PLBD1: variants seen among roughly 807,000 people sequenced by gnomAD.
The protein encoded by PLBD1 is phospholipase B domain containing 1.
In PLBD1, 60 loss-of-function variants were observed where a neutral mutation model predicts 63.0. The ratio of observed to expected loss-of-function variants is 0.95; its 90% CI spans 0.77 to 1.18. PLBD1 has a LOEUF of 1.18. PLBD1 is among the 50% of genes most tolerant of loss of function. The pLI is 0.00. For missense variants in PLBD1, 598 were observed against 677.9 expected, an observed-to-expected ratio of 0.88 and a Z score of 1.31; for synonymous variants, 262 against 248.0, an observed-to-expected ratio of 1.06 and a Z score of -0.53.
intron 6 of PLBD1, among the ~76,000 whole-genome samples, chr12:14,535,307 G>A (rs1343877967): frequency 6.6e-6 from 1 of 152,188 alleles, no homozygotes; most frequent in Non-Finnish European, 1.5e-5. Context: ...CCTCAAGGTG[G>A]TACCTGAGTG....
chr12:14,525,882 A>G (rs1945412562), intron 6 of PLBD1, among the ~76,000 whole-genome samples: 1 of 152,200 alleles, frequency 6.6e-6, no homozygotes, highest in African/African-American at 2.4e-5. Flanking sequence ...TTAAGTTCCT[A>G]TATATTTTTT....
chr12:14,539,702 C>T, intron 4 of PLBD1, among the ~76,000 whole-genome samples: 1 of 151,098 alleles, frequency 6.6e-6, no homozygotes, highest in East Asian at 2.0e-4. Context: ...AGGAGAATCA[C>T]CTGAACCCAG....
In PLBD1 at chr12:14,545,273, A is replaced by G. The variant is rs147733690; in HGVS notation, c.336-2982T>C. 6.7e-3 allele frequency among the ~76,000 whole-genome samples: 1,026 copies of G among 152,346 alleles called. 21 individuals are homozygous for G. The highest frequency in any genetic ancestry group is 0.023 in the African/African-American group (973 of 41,584). The stretch of plus-strand genomic sequence containing the variant: ...ACTATTTTGTGGCCTCCTTTCTACA[A>G]GCAGTTAAAAGCATCTGGCTCCCAG... On this transcript the variant is annotated intron_variant, in intron 2 of 10. Transcript: ENST00000240617.
chr12:14,543,817 C>G (rs1171544227), intron 2 of PLBD1, among the ~76,000 whole-genome samples: 1 of 152,092 alleles, frequency 6.6e-6, no homozygotes, highest in Non-Finnish European at 1.5e-5. Flanking sequence ...TCCTTATATA[C>G]CACACCTTCC....
intron 6 of PLBD1, among the ~76,000 whole-genome samples, chr12:14,528,651 T>A (rs1385953635): frequency 6.6e-6 from 1 of 152,102 alleles, no homozygotes; most frequent in Non-Finnish European, 1.5e-5. Flanking sequence ...ATCAGTTATC[T>A]AGTCTTCTAC....
chr12:14,550,267 A>G (rs1294722022), intron 2 of PLBD1, among the ~76,000 whole-genome samples: 1 of 152,192 alleles, frequency 6.6e-6, no homozygotes, highest in African/African-American at 2.4e-5. Context: ...CCTTAAGGAC[A>G]TAGTTTTAGA....
intron 8 of PLBD1, among the ~76,000 whole-genome samples, chr12:14,508,511 G>A (rs968923911): frequency 1.3e-5 from 2 of 152,276 alleles, no homozygotes; most frequent in South Asian, 4.1e-4. Context: ...GCTTGTGCCT[G>A]TAATCCCAGC....
At chr12:14,524,597 A>G (rs1271502025) in intron 6 of PLBD1, among the ~76,000 whole-genome samples, 1 of 152,220 alleles carries the variant, frequency 6.6e-6, no homozygotes, top group Non-Finnish European at 1.5e-5. Context: ...GAGGATTTTG[A>G]ACGTTCTTGC....
intron 1 of PLBD1, among the ~76,000 whole-genome samples, chr12:14,559,563 G>C (rs1945730732): frequency 2.0e-5 from 3 of 152,050 alleles, no homozygotes; most frequent in Admixed American, 2.0e-4. Flanking sequence ...TCGGAATCTT[G>C]GATTAAGTCT....
At chr12:14,525,656 AT>A (rs1945410400) in intron 6 of PLBD1, among the ~76,000 whole-genome samples, 1 of 151,970 alleles carries the variant, frequency 6.6e-6, no homozygotes, top group Non-Finnish European at 1.5e-5. Context: ...AGAGAGGAAA[AT>A]AATATACTTA....
At chr12:14,531,691 T>C (rs181517708) in intron 6 of PLBD1, among the ~76,000 whole-genome samples, 1 of 152,280 alleles carries the variant, frequency 6.6e-6, no homozygotes, top group Admixed American at 6.5e-5. Flanking sequence ...AGTGCAGTGG[T>C]GCTATCTCGG....
rs1945577231 is a variant in PLBD1, at chr12:14,542,130, A to G, written c.419+78T>C. Reference sequence around the variant, plus strand: ...TAAAGAGATTAAAAAGAAATTGGCAAAAAATTGCTGCTTGAAATTACAGAT... The same window carrying G: ...TAAAGAGATTAAAAAGAAATTGGCAGAAAATTGCTGCTTGAAATTACAGAT... On this transcript the variant is annotated intron_variant, in intron 3 of 10. Transcript: ENST00000240617. 21 of 1,302,920 alleles carry G rather than the reference A, an allele frequency of 1.6e-5. No homozygotes were observed. The South Asian group carries it at 2.5e-4, about 16-fold the overall frequency. 80.7% of individuals were successfully genotyped at this position (1,302,920 alleles called of 1,614,324 possible). A position where few individuals can be genotyped will look rare whatever the true frequency, so the allele number is the denominator to read the frequency against.
intron 2 of PLBD1, among the ~76,000 whole-genome samples, chr12:14,543,227 A>G (rs1945589648): frequency 6.6e-6 from 1 of 151,968 alleles, no homozygotes; most frequent in East Asian, 1.9e-4. Flanking sequence ...TTTAAAACCT[A>G]TAGAATGTAT....
In PLBD1 at chr12:14,507,051, T is replaced by C; in HGVS notation, c.1254A>G (p.Leu418=). 8 of 1,613,934 alleles carry C rather than the reference T, an allele frequency of 5.0e-6. No individual in the cohort carries two copies. Among genetic ancestry groups the C allele is most frequent in the Non-Finnish European group, 6.8e-6 (8 of 1,179,814 alleles). Residue 418 remains leucine, a synonymous_variant, in exon 9 of 11, where the codon TTA becomes TTG. Transcript: ENST00000240617. ...KIYNWSGYPL[L]VQKLGLDYSY... The stretch of plus-strand genomic sequence containing the variant: ...AGTAGTCCAAGCCCAGCTTCTGAAC[T>C]AACAGTGGATAGCCACTCCAGTTGT...
chr12:14,512,806 T>C (rs1052800347), intron 6 of PLBD1, among the ~76,000 whole-genome samples: 5 of 152,156 alleles, frequency 3.3e-5, no homozygotes, highest in African/African-American at 7.2e-5. Flanking sequence ...TTTAAGGCCC[T>C]TACAAAACAG....
At chr12:14,513,978 G>A (rs770255278) in intron 6 of PLBD1, among the ~76,000 whole-genome samples, 1 of 151,780 alleles carries the variant, frequency 6.6e-6, no homozygotes, top group Non-Finnish European at 1.5e-5. Context: ...ACGGGGTTTC[G>A]CCATGTTAGC....
intron 2 of PLBD1, among the ~76,000 whole-genome samples, chr12:14,547,631 G>T (rs1256649635): frequency 6.6e-6 from 1 of 152,114 alleles, no homozygotes; most frequent in Non-Finnish European, 1.5e-5. Context: ...TGCTAATTTG[G>T]CTGAGATTTT....
intron 1 of PLBD1, among the ~76,000 whole-genome samples, chr12:14,561,704 G>A (rs1459864316): frequency 1.3e-5 from 2 of 152,172 alleles, no homozygotes; most frequent in Non-Finnish European, 2.9e-5. Context: ...ACAAGCGTGC[G>A]CCACGCCACA....
rs577281732 is a variant in PLBD1, at chr12:14,521,732, C to T, written c.845-10021G>A. 2.0e-5 allele frequency among the ~76,000 whole-genome samples: 3 copies of T among 152,006 alleles called. No homozygotes were observed. The East Asian group carries it at 5.8e-4, about 30-fold the overall frequency. ...ATGCCCAGACATCAGTGCAGGGACA[C>T]AAGAAATATGAAAAAGCAAGAAAAC... On this transcript the variant is annotated intron_variant, in intron 6 of 10. Transcript: ENST00000240617.
Sources: allele counts gnomAD v4.1 joint callset (sites outside exome capture counted in the v4.1 genomes callset), GRCh38; gene constraint gnomAD v4.1.1; transcripts MANE v1.5; gene names NCBI Gene and HGNC (gene_info 2026-07-23, HGNC 2026-07-21).